The following ARHGAP32 variants were observed in gnomAD, a reference collection of about 807,000 sequenced individuals.
ARHGAP32 encodes rho GTPase-activating protein 32.
In ARHGAP32, 51 loss-of-function variants were observed where a neutral mutation model predicts 186.5. That is an observed-to-expected ratio of 0.27 (90% CI 0.22 to 0.35). The LOEUF (loss-of-function observed/expected upper bound fraction) is 0.35. Ranked by LOEUF, ARHGAP32 falls within the 10% of genes least tolerant of loss-of-function variation. The probability of loss-of-function intolerance (pLI) is 1.00; values close to 1 mark genes in which losing one functional copy is unlikely to be tolerated. For missense variants in ARHGAP32, 2,186 were observed against 2,623.5 expected, an observed-to-expected ratio of 0.83 and a Z score of 3.64; for synonymous variants, 950 against 964.3, an observed-to-expected ratio of 0.99 and a Z score of 0.27.
chr11:129,239,460 C>T (rs552340394), intron 1 of ARHGAP32, among the ~76,000 whole-genome samples: 1 of 152,132 alleles, frequency 6.6e-6, no homozygotes, highest in South Asian at 2.1e-4. Context: ...AGGAGCTGTC[C>T]CAGAAGTGAG....
intron 2 of ARHGAP32, among the ~76,000 whole-genome samples, chr11:129,145,110 T>C (rs1477038034): frequency 1.3e-5 from 2 of 152,104 alleles, no homozygotes; most frequent in Non-Finnish European, 2.9e-5. Context: ...TCGCTAAAAA[T>C]ACAGGGTTCC....
chr11:129,214,276 C>T (rs1944617259), intron 1 of ARHGAP32, among the ~76,000 whole-genome samples: 1 of 152,022 alleles, frequency 6.6e-6, no homozygotes, highest in East Asian at 1.9e-4. Context: ...ATAATATATC[C>T]ATATTGGTTC....
chr11:128,968,643 C>G lies in ARHGAP32; in HGVS notation c.*264G>C, dbSNP rs1430914656. The G allele has an allele frequency of 3.4e-6, 1 of 296,178 alleles. No individual in the cohort carries two copies. The allele number at this position is 296,178 out of a possible 1,614,324, so 18.3% of individuals were successfully genotyped here. On this transcript the variant is annotated 3_prime_UTR_variant, in exon 23 of 23. Coordinates refer to ENST00000682385, the MANE Select transcript of ARHGAP32 (RefSeq NM_001378024.1). ...CCTAGATGGCAAGTGTGTCCTGAGACAGGTTTCTCTACTGGGTTTCAGCAC... is the reference window on the plus strand; with the variant it reads ...CCTAGATGGCAAGTGTGTCCTGAGAGAGGTTTCTCTACTGGGTTTCAGCAC...
chr11:129,214,593 C>G (rs1411065284), intron 1 of ARHGAP32, among the ~76,000 whole-genome samples: 1 of 152,158 alleles, frequency 6.6e-6, no homozygotes, highest in South Asian at 2.1e-4. Flanking sequence ...TTGTTGCCTT[C>G]ACTCTGCTCT....
At chr11:129,169,631 CAAAA>C (rs35715241) in intron 1 of ARHGAP32, among the ~76,000 whole-genome samples, 1 of 75,144 alleles carries the variant, frequency 1.3e-5, no homozygotes, top group Non-Finnish European at 2.4e-5. Flanking sequence ...GACTCTGTCT[CAAAA>C]AAAAAAAAAA....
rs200376127 is a variant in ARHGAP32 at position 129,088,529 on chromosome 11, G to A, written c.531+5092C>T. Among the ~76,000 whole-genome samples, 44 of 151,644 alleles carry A rather than the reference G, an allele frequency of 2.9e-4. No homozygotes were observed. The East Asian group carries it at 3.5e-3, about 12-fold the overall frequency. On this transcript the variant is annotated intron_variant, in intron 6 of 22. Transcript: ENST00000682385. ...TGTGAGTTGGAGGTTGCAGTGAGCCGAGATCACACCACTGCACTCCAGACT... is the reference window on the plus strand; with the variant it reads ...TGTGAGTTGGAGGTTGCAGTGAGCCAAGATCACACCACTGCACTCCAGACT...
At chr11:129,152,152 C>G (rs1943301688) in intron 2 of ARHGAP32, among the ~76,000 whole-genome samples, 1 of 152,132 alleles carries the variant, frequency 6.6e-6, no homozygotes, top group Non-Finnish European at 1.5e-5. Context: ...ATATACAACC[C>G]TCCTAGATTA....
At position 128,970,593 on chromosome 11, in the gene ARHGAP32, T is replaced by G. The variant is rs1591482707; in HGVS notation, c.4620A>C (p.Pro1540=). 1 of 1,614,054 alleles carries G rather than the reference T, an allele frequency of 6.2e-7. No homozygotes were observed. The highest frequency in any genetic ancestry group is 1.3e-5 in the African/African-American group (1 of 74,908). The change falls in exon 23 of 23, where the codon CCA becomes CCC. Residue 1540 remains proline (P), a synonymous_variant. Coordinates refer to ENST00000682385, the MANE Select transcript of ARHGAP32 (RefSeq NM_001378024.1). The surrounding 1 kb of genome is among the most constrained non-coding windows in gnomAD (Gnocchi z 5.8). ...QHQVYGARSE[P]PASMGLRYNT... ...TATAACGAAGACCCATGGAGGCTGG[T>G]GGCTCTGACCTGGCACCATACACTT...
chr11:129,194,931 A>G (rs1166723420), upstream of ARHGAP32, among the ~76,000 whole-genome samples: 1 of 132,234 alleles, frequency 7.6e-6, no homozygotes, highest in Non-Finnish European at 1.6e-5. Context: ...TAACTCCTTC[A>G]AAGTGTTGTT....
intron 1 of ARHGAP32, among the ~76,000 whole-genome samples, chr11:129,234,292 T>A (rs914814941): frequency 2.6e-5 from 4 of 152,114 alleles, no homozygotes; most frequent in Admixed American, 2.0e-4. Flanking sequence ...GAAGTCCTCC[T>A]GACAACACCA....
chr11:129,058,234 C>A lies in ARHGAP32; in HGVS notation c.963+4046G>T, dbSNP rs61910975. On this transcript the variant is annotated intron_variant, in intron 10 of 22. Coordinates refer to ENST00000682385, the MANE Select transcript of ARHGAP32 (RefSeq NM_001378024.1). ...ACACACACACACACTCTCTCTCTCT[C>A]TCTCTATATATATATATATCTCATA... 7.3e-3 allele frequency among the ~76,000 whole-genome samples: 988 copies of A among 135,402 alleles called. 11 individuals are homozygous for A. The highest frequency in any genetic ancestry group is 0.064 in the East Asian group (292 of 4,576). The allele number at this position is 135,402 out of a possible 152,430, so 88.8% of individuals were successfully genotyped here.
At chr11:129,120,471 T>C (rs538653248) in intron 5 of ARHGAP32, among the ~76,000 whole-genome samples, 1 of 152,240 alleles carries the variant, frequency 6.6e-6, no homozygotes, top group South Asian at 2.1e-4. Flanking sequence ...CATATCATTA[T>C]ATGGTAATGA....
At chr11:129,128,109 A>C (rs1324887284) in intron 2 of ARHGAP32, among the ~76,000 whole-genome samples, 1 of 152,202 alleles carries the variant, frequency 6.6e-6, no homozygotes, top group Non-Finnish European at 1.5e-5. Flanking sequence ...CCCTGTCCCC[A>C]AAATCCAATT....
chr11:129,066,237 CTTT>C (rs1940684565), intron 7 of ARHGAP32, among the ~76,000 whole-genome samples: 1 of 152,052 alleles, frequency 6.6e-6, no homozygotes, highest in Admixed American at 6.6e-5. Flanking sequence ...ATCCCATCTA[CTTT>C]TTAAGATTCC....
chr11:129,255,919 T>C (rs540312734), intron 1 of ARHGAP32, among the ~76,000 whole-genome samples: 1 of 152,218 alleles, frequency 6.6e-6, no homozygotes, highest in South Asian at 2.1e-4. Flanking sequence ...AGGAGTAATA[T>C]TCGTAAGTCA....
rs150352446 is a variant in ARHGAP32, at chr11:129,228,740, T to G, written c.-5+50406A>C. 2.6e-5 allele frequency among the ~76,000 whole-genome samples: 4 copies of G among 152,152 alleles called. No homozygotes were observed. The East Asian group carries it at 7.7e-4, about 29-fold the overall frequency. On this transcript the variant is annotated intron_variant, in intron 1 of 6. Transcript: ENST00000525234. The stretch of plus-strand genomic sequence containing the variant: ...GGGGAAGGGAGAGCATCAAGATAAG[T>G]AGCTAATGCATGCAGGCTTAATACC...
At chr11:129,103,669 G>A (rs1022733297) in intron 5 of ARHGAP32, among the ~76,000 whole-genome samples, 10 of 152,098 alleles carry the variant, frequency 6.6e-5, no homozygotes, top group African/African-American at 2.4e-4. Flanking sequence ...CATGACTCAT[G>A]GTGGAAAAGT....
At chr11:128,990,207 T>C (rs1386467752) in intron 12 of ARHGAP32, among the ~76,000 whole-genome samples, 1 of 152,198 alleles carries the variant, frequency 6.6e-6, no homozygotes, top group Non-Finnish European at 1.5e-5. Flanking sequence ...ACTATCACTC[T>C]TTAGCGAGCC....
intron 1 of ARHGAP32, among the ~76,000 whole-genome samples, chr11:129,271,044 A>C (rs1457678870): frequency 6.6e-6 from 1 of 152,212 alleles, no homozygotes; most frequent in Non-Finnish European, 1.5e-5. Flanking sequence ...GAGCCTCATA[A>C]GCGACCAAAA....
Sources: gnomAD v4.1 joint callset for allele counts (sites outside exome capture counted in the v4.1 genomes callset) on GRCh38, gnomAD v4.1.1 for gene constraint, Gnocchi (gnomAD v3.1) non-coding constraint, MANE v1.5 for transcripts, NCBI Gene and HGNC (gene_info 2026-07-23, HGNC 2026-07-21) for gene names.